Variants in HMGXB3 observed in about 807,000 individuals in gnomAD.
HMGXB3 encodes HMG-box containing 3, also known as HMG domain-containing protein 3.
Under a neutral mutation model 121.5 loss-of-function variants are expected in HMGXB3, and 45 were observed. The ratio of observed to expected loss-of-function variants is 0.37; its 90% confidence interval spans 0.29 to 0.47. The LOEUF is 0.47. HMGXB3 is among the 20% of genes least tolerant of loss of function. HMGXB3 has a pLI of 0.99. For synonymous variants in HMGXB3, 590 were observed against 624.1 expected (o/e 0.95, Z 0.81); for missense variants, 1,376 against 1,602.2 (o/e 0.86, Z 2.41).
chr5:150,041,125 A>G (rs1452295335), intron 14 of HMGXB3, among the ~76,000 whole-genome samples: 1 of 152,202 alleles, frequency 6.6e-6, no homozygotes, highest in Non-Finnish European at 1.5e-5. Flanking sequence ...TTGTAGAAGT[A>G]CCTTCTTTGG....
At chr5:150,010,028 T>C (rs750696355) in intron 3 of HMGXB3, 83 bp from the exon 4 acceptor site, 33 of 1,315,142 alleles carry the variant, frequency 2.5e-5, no homozygotes, top group African/African-American at 9.0e-5. Flanking sequence ...AACTTACACA[T>C]ATATATATAT....
At chr5:150,034,610 C>T (rs537788287) in intron 11 of HMGXB3, among the ~76,000 whole-genome samples, 17 of 152,254 alleles carry the variant, frequency 1.1e-4, no homozygotes, top group African/African-American at 3.4e-4. Flanking sequence ...CTGAGAACTG[C>T]CCACCCCCAG....
intron 14 of HMGXB3, among the ~76,000 whole-genome samples, chr5:150,041,359 T>C (rs1247370863): frequency 6.6e-6 from 1 of 152,246 alleles, no homozygotes; most frequent in Non-Finnish European, 1.5e-5. Flanking sequence ...TGAGAACAGA[T>C]GGAGTAGAGC....
At chr5:150,032,865 A>C (rs954404944) in intron 11 of HMGXB3, among the ~76,000 whole-genome samples, 1 of 152,172 alleles carries the variant, frequency 6.6e-6, no homozygotes, top group Non-Finnish European at 1.5e-5. Flanking sequence ...GATGTAGCAC[A>C]GGCCTTAAGT....
chr5:150,036,535 A>C, intron 11 of HMGXB3, 101 bp from the exon 12 acceptor site: 1 of 1,075,084 alleles, frequency 9.3e-7, no homozygotes, highest in African/African-American at 1.6e-5. Context: ...CCTATCAGTC[A>C]TGGGCCCCAT....
In HMGXB3 at chr5:150,026,753, G is replaced by C; in HGVS notation, c.1508G>C (p.Arg503Thr). ...PGSRAPELKG[R>T]ARGKPSLLAA... Reference sequence around the variant, plus strand: ...TCCAGAGCTCCAGAGCTTAAAGGCAGAGCACGGGGCAAGCCCTCATTACTG... The same window carrying C: ...TCCAGAGCTCCAGAGCTTAAAGGCACAGCACGGGGCAAGCCCTCATTACTG... The change falls in exon 8 of 20, where the codon AGA (arginine) becomes ACA (threonine). Residue 503 changes from arginine to threonine, a missense_variant. Arg to Thr is a moderately conservative substitution (Grantham distance 71). Transcript: ENST00000502717. The C allele has an allele frequency of 6.4e-7, 1 of 1,551,492 alleles. No individual in the cohort carries two copies. Among genetic ancestry groups the C allele is most frequent in the South Asian group, 1.2e-5 (1 of 84,032 alleles).
In HMGXB3 at chr5:150,024,218, A is replaced by G. The variant is rs769865708; in HGVS notation, c.1042-44A>G. On this transcript the variant is annotated intron_variant, in intron 6 of 19. Transcript: ENST00000502717. Reference sequence around the variant, plus strand: ...GAGAGAATGTTTGTGAATGTCATCAACTGTAAAATCCCTTATGTATACAAG... The same window carrying G: ...GAGAGAATGTTTGTGAATGTCATCAGCTGTAAAATCCCTTATGTATACAAG... The G allele has an allele frequency of 4.3e-6, 6 of 1,393,088 alleles. No individual in the cohort carries two copies. The African/African-American group carries it at 8.8e-5, about 20-fold the overall frequency. 86.3% of individuals were successfully genotyped at this position (1,393,088 alleles called of 1,614,324 possible).
rs1470162912 is a variant in HMGXB3, at chr5:150,047,706, G to A, written c.3033G>A (p.Leu1011=). The change falls in exon 17 of 20, where the codon CTG becomes CTA. Residue 1011 remains leucine (L), a synonymous_variant. Coordinates refer to ENST00000502717, the MANE Select transcript of HMGXB3 (RefSeq NM_014983.3). ...TTGGCTCCTACAGTGAAGAGAAGCT[G>A]CAGCACCTGCTAAGGCAGTGTGGAA... is the stretch of plus-strand genomic sequence containing the variant. ...DEIGSYSEEK[L]QHLLRQCGIP... is the part of the protein sequence containing the mutation. 1 of 1,551,770 alleles carries A rather than the reference G, an allele frequency of 6.4e-7. No individual in the cohort carries two copies. Among genetic ancestry groups the A allele is most frequent in the Non-Finnish European group, 8.7e-7 (1 of 1,147,002 alleles).
intron 7 of HMGXB3, among the ~76,000 whole-genome samples, chr5:150,025,516 A>G (rs1561866531): frequency 6.6e-6 from 1 of 151,824 alleles, no homozygotes; most frequent in East Asian, 1.9e-4. Context: ...TTTTTTTTTA[A>G]CACAAATCAT....
chr5:150,037,013 A>G (rs958579376), intron 12 of HMGXB3, 76 bp downstream of exon 12: 6 of 1,251,464 alleles, frequency 4.8e-6, no homozygotes, highest in East Asian at 5.1e-5. Flanking sequence ...AGAAAACATT[A>G]AAACTATAAC....
chr5:150,001,946 C>T (rs1421497506), intron 1 of HMGXB3, among the ~76,000 whole-genome samples: 1 of 152,182 alleles, frequency 6.6e-6, no homozygotes, highest in Non-Finnish European at 1.5e-5. Context: ...AAGCGCAGTC[C>T]CCACGTAGCC....
chr5:150,029,792 G>A (rs181746208), intron 9 of HMGXB3, among the ~76,000 whole-genome samples: 15 of 152,324 alleles, frequency 9.8e-5, no homozygotes, highest in African/African-American at 3.4e-4. Flanking sequence ...TGCCCTGACA[G>A]GAATATCAAC....
chr5:150,030,571 A>G, intron 9 of HMGXB3, 170 bp from the exon 10 acceptor site: 1 of 594,584 alleles, frequency 1.7e-6, no homozygotes, highest in African/African-American at 1.9e-5. Flanking sequence ...TGAACATGAC[A>G]CTCAGCCTTT....
At chr5:150,039,795 G>C (rs1756584210) in intron 13 of HMGXB3, among the ~76,000 whole-genome samples, 1 of 152,194 alleles carries the variant, frequency 6.6e-6, no homozygotes, top group Non-Finnish European at 1.5e-5. Flanking sequence ...TGGGACCAGA[G>C]CTTTGCTCTC....
chr5:150,011,551 A>T (rs1262602554), intron 4 of HMGXB3, among the ~76,000 whole-genome samples: 1 of 150,594 alleles, frequency 6.6e-6, no homozygotes, highest in Admixed American at 6.6e-5. Context: ...GCTGTTTATG[A>T]TAATGAAGCG....
intron 19 of HMGXB3, among the ~76,000 whole-genome samples, chr5:150,051,156 C>G (rs767673987): frequency 6.6e-6 from 1 of 152,210 alleles, no homozygotes; most frequent in Non-Finnish European, 1.5e-5. Flanking sequence ...TGGCAGAGCC[C>G]TTGTCTCTGT....
At position 150,012,297 on chromosome 5, in the gene HMGXB3, A is replaced by G. The variant is rs771950032; in HGVS notation, c.853A>G (p.Ile285Val). The G allele has an allele frequency of 3.2e-6, 5 of 1,552,320 alleles. No individual in the cohort carries two copies. The highest frequency in any genetic ancestry group is 3.5e-6 in the Non-Finnish European group (4 of 1,147,118). Residue 285 changes from isoleucine (I) to valine (V), a missense_variant, in exon 5 of 20, where the codon ATC becomes GTC. Coordinates refer to ENST00000502717, the MANE Select transcript of HMGXB3 (RefSeq NM_014983.3). Reference sequence around the variant, plus strand: ...CTCCTCTGCACCAGCCACACAGTTCATCATGTTGCCTCTGCCTGCCTACTC... The same window carrying G: ...CTCCTCTGCACCAGCCACACAGTTCGTCATGTTGCCTCTGCCTGCCTACTC... ...SSSSAPATQFIMLPLPAYSVV... is the reference protein window; with the variant it reads ...SSSSAPATQFVMLPLPAYSVV...
chr5:150,024,751 A>T (rs1756186193), intron 7 of HMGXB3, 71 bp downstream of exon 7: 1 of 1,285,290 alleles, frequency 7.8e-7, no homozygotes, highest in African/African-American at 1.5e-5. Context: ...ATGTCTGTAC[A>T]GCATGCCTGA....
rs1215817391 is a variant in HMGXB3, at chr5:150,037,396, C to T, written c.2286-4C>T. The T allele has an allele frequency of 6.5e-7, 1 of 1,539,384 alleles. No individual in the cohort carries two copies. The highest frequency in any genetic ancestry group is 2.0e-5 in the Admixed American group (1 of 48,832). On this transcript the variant is annotated splice_polypyrimidine_tract_variant and splice_region_variant and intron_variant, in intron 12 of 19. Transcript: ENST00000502717. ...TTTTTTGTTGGTGATGTTTCTGGTA[C>T]TAGCTCCCTGGCTGGGCCCCAGGAG... is the stretch of plus-strand genomic sequence containing the variant.
Sources: gnomAD v4.1 joint callset for allele counts (sites outside exome capture counted in the v4.1 genomes callset) on GRCh38, gnomAD v4.1.1 for gene constraint, MANE v1.5 for transcripts, NCBI Gene and HGNC (gene_info 2026-07-23, HGNC 2026-07-21) for gene names.